Variants in IGSF11 observed in about 807,000 individuals in gnomAD.
IGSF11 encodes immunoglobulin superfamily member 11, also known as CXADR like 1.
In IGSF11, 22 loss-of-function variants were observed where a neutral mutation model predicts 41.0. That is an observed-to-expected ratio of 0.54 (90% CI 0.38 to 0.77). IGSF11 has a LOEUF of 0.77. Among genes scored for constraint, IGSF11 ranks in the 30% least tolerant of loss-of-function variants. The pLI, the probability that IGSF11 is intolerant of heterozygous loss-of-function variation, is 0.00. For missense variants in IGSF11, 444 were observed against 530.8 expected (o/e 0.84, Z 1.61); for synonymous variants, 219 against 201.3 (o/e 1.09, Z -0.74).
chr3:119,059,234 A>T (rs962905576), intron 1 of IGSF11, among the ~76,000 whole-genome samples: 3 of 152,094 alleles, frequency 2.0e-5, no homozygotes, highest in African/African-American at 7.2e-5. Context: ...ACTCAGTCAT[A>T]AAAAGGAATG....
chr3:119,030,805 C>G (rs1361839145), intron 1 of IGSF11, among the ~76,000 whole-genome samples: 5 of 152,060 alleles, frequency 3.3e-5, no homozygotes, highest in African/African-American at 1.2e-4. Flanking sequence ...CCTCACCAAA[C>G]AAAGAAAGTT....
intron 4 of IGSF11, among the ~76,000 whole-genome samples, chr3:118,917,776 A>C (rs1941317318): frequency 6.6e-6 from 1 of 151,194 alleles, no homozygotes; most frequent in Admixed American, 6.6e-5. Flanking sequence ...CATCATTCTG[A>C]TACCAAAGCC....
intron 1 of IGSF11, among the ~76,000 whole-genome samples, chr3:118,979,284 C>T: frequency 6.6e-6 from 1 of 151,852 alleles, no homozygotes; most frequent in East Asian, 1.9e-4. Flanking sequence ...AATAAGGCAA[C>T]CAAATATTCA....
chr3:119,087,354 G>C (rs1377539010), intron 1 of IGSF11, among the ~76,000 whole-genome samples: 1 of 148,692 alleles, frequency 6.7e-6, no homozygotes, highest in Non-Finnish European at 1.5e-5. Flanking sequence ...TAATCAACAA[G>C]TGAATAAAGA....
At chr3:119,035,713 G>A (rs1940863085), upstream of IGSF11, among the ~76,000 whole-genome samples, 1 of 152,108 alleles carries the variant, frequency 6.6e-6, no homozygotes, top group South Asian at 2.1e-4. Context: ...ATCTTTTCTT[G>A]TAAAACCTAT....
intron 1 of IGSF11, among the ~76,000 whole-genome samples, chr3:119,133,786 C>A (rs2077517801): frequency 6.6e-6 from 1 of 152,148 alleles, no homozygotes; most frequent in African/African-American, 2.4e-5. Context: ...AATTTTAGAC[C>A]AATATCCCTA....
chr3:118,931,833 T>C (rs748485881), intron 1 of IGSF11, among the ~76,000 whole-genome samples: 12 of 151,636 alleles, frequency 7.9e-5, no homozygotes, highest in Non-Finnish European at 1.6e-4. Flanking sequence ...CCCAGGTTCA[T>C]GCCATTCTCC....
chr3:119,018,268 C>T lies in IGSF11; in HGVS notation c.52+16263G>A, dbSNP rs76397042. ...GAGAAGTCCTCTTGAGGATAAAAAA[C>T]TCAGAACTGTGTTACCTGCTCACCT... is the stretch of plus-strand genomic sequence containing the variant. On this transcript the variant is annotated intron_variant, in intron 1 of 6. Coordinates refer to ENST00000393775, the MANE Select transcript of IGSF11 (RefSeq NM_001015887.3). 4.5e-3 allele frequency among the ~76,000 whole-genome samples: 691 copies of T among 152,282 alleles called. 8 individuals are homozygous for T. Among genetic ancestry groups the T allele is most frequent in the African/African-American group, 0.016 (667 of 41,556 alleles).
chr3:119,079,968 C>T (rs1254902270), intron 1 of IGSF11, among the ~76,000 whole-genome samples: 1 of 152,124 alleles, frequency 6.6e-6, no homozygotes. Flanking sequence ...ATAATTTGTA[C>T]ACCAAACCCC....
Position 118,914,381 on chromosome 3 carries a change from G to A in IGSF11, c.581-8663C>T, listed in dbSNP as rs955494718. 2.2e-4 allele frequency among the ~76,000 whole-genome samples: 34 copies of A among 151,710 alleles called. No individual in the cohort carries two copies. In the South Asian group the frequency reaches 6.3e-3, roughly 28 times the overall value. On this transcript the variant is annotated intron_variant, in intron 4 of 6. Coordinates refer to ENST00000393775, the MANE Select transcript of IGSF11 (RefSeq NM_001015887.3). ...CACTAGGGAGTGCCAGACAGTGGGC[G>A]CAGGCCAGTGGGTGCGCGCACCGTG...
At chr3:119,136,733 G>A (rs370584478) in intron 1 of IGSF11, among the ~76,000 whole-genome samples, 5 of 152,132 alleles carry the variant, frequency 3.3e-5, no homozygotes, top group South Asian at 4.2e-4. Flanking sequence ...TCAACACCCC[G>A]CTTTCAGCAT....
intron 1 of IGSF11, among the ~76,000 whole-genome samples, chr3:119,061,883 T>C (rs1418966782): frequency 6.6e-6 from 1 of 152,162 alleles, no homozygotes; most frequent in East Asian, 1.9e-4. Context: ...GTATATTTCT[T>C]GATGTCTAGA....
intron 1 of IGSF11, among the ~76,000 whole-genome samples, chr3:118,998,095 T>A (rs1238952584): frequency 1.3e-5 from 2 of 152,130 alleles, no homozygotes; most frequent in Non-Finnish European, 2.9e-5. Context: ...AATAATAATA[T>A]ATTTTCTTTT....
At chr3:118,924,118 T>G (rs543037752) in intron 4 of IGSF11, among the ~76,000 whole-genome samples, 1 of 152,246 alleles carries the variant, frequency 6.6e-6, no homozygotes, top group South Asian at 2.1e-4. Context: ...TTGACCCCAT[T>G]TATTTATCAG....
intron 4 of IGSF11, among the ~76,000 whole-genome samples, chr3:118,907,305 ATATT>A (rs1939726394): frequency 6.6e-6 from 1 of 152,206 alleles, no homozygotes; most frequent in Non-Finnish European, 1.5e-5. Context: ...TAATAAATAA[ATATT>A]TATTGAGCAT....
upstream of IGSF11, among the ~76,000 whole-genome samples, chr3:119,039,052 G>A (rs530366148): frequency 5.3e-5 from 8 of 152,160 alleles, no homozygotes; most frequent in South Asian, 2.1e-4. Flanking sequence ...ATGGTGATCC[G>A]ATGAAGTCAG....
chr3:119,021,865 C>CT (rs1939327049), intron 1 of IGSF11, among the ~76,000 whole-genome samples: 1 of 152,092 alleles, frequency 6.6e-6, no homozygotes, highest in Non-Finnish European at 1.5e-5. Context: ...CTTTAAAAGA[C>CT]ATCAAAGTGA....
intron 1 of IGSF11, among the ~76,000 whole-genome samples, chr3:118,995,712 G>A (rs1199535510): frequency 6.6e-6 from 1 of 152,110 alleles, no homozygotes; most frequent in Non-Finnish European, 1.5e-5. Context: ...GAGTGCAATG[G>A]CATGATCTCA....
At chr3:118,970,086 A>G (rs1232731646) in intron 1 of IGSF11, among the ~76,000 whole-genome samples, 1 of 152,196 alleles carries the variant, frequency 6.6e-6, no homozygotes, top group Non-Finnish European at 1.5e-5. Flanking sequence ...TTCTCCAGCC[A>G]CACTGGGCAC....
Sources: allele counts gnomAD v4.1 joint callset (sites outside exome capture counted in the v4.1 genomes callset), GRCh38; gene constraint gnomAD v4.1.1; transcripts MANE v1.5; gene names NCBI Gene and HGNC (gene_info 2026-07-23, HGNC 2026-07-21).